CCDC178: variants seen among roughly 807,000 people sequenced by gnomAD.
CCDC178 encodes coiled-coil domain containing 178.
CCDC178 carries 126 observed loss-of-function variants against 117.4 expected under a neutral mutation model. That is an observed-to-expected ratio of 1.07 (90% CI 0.93 to 1.24). The LOEUF (loss-of-function observed/expected upper bound fraction) is 1.24, where lower values mean the gene tolerates loss of function less well. Ranked by LOEUF, CCDC178 falls within the 50% of genes most tolerant of loss-of-function variation. The probability of loss-of-function intolerance (pLI) is 0.00; values close to 1 mark genes in which losing one functional copy is unlikely to be tolerated. For synonymous variants in CCDC178, 283 were observed against 313.4 expected (o/e 0.90, Z 1.02); for missense variants, 1,030 against 986.9 (o/e 1.04, Z -0.59).
At chr18:32,948,360 C>T (rs2144614528) in intron 22 of CCDC178, among the ~76,000 whole-genome samples, 1 of 152,176 alleles carries the variant, frequency 6.6e-6, no homozygotes, top group African/African-American at 2.4e-5. Flanking sequence ...TTCAGGACTT[C>T]TTTAATTTCT....
At chr18:33,044,300 C>T (rs1025417041) in intron 21 of CCDC178, among the ~76,000 whole-genome samples, 3 of 151,930 alleles carry the variant, frequency 2.0e-5, no homozygotes, top group African/African-American at 4.8e-5. Flanking sequence ...GAATCAGCAT[C>T]GTTAAAATGA....
chr18:33,171,674 G>A lies in CCDC178; in HGVS notation c.2238+40222C>T, dbSNP rs117280538. On this transcript the variant is annotated intron_variant, in intron 20 of 22. Coordinates refer to ENST00000383096, the MANE Select transcript of CCDC178 (RefSeq NM_001105528.4). ...AACACCTCAGCACCTAGCTATGCTGGGGTAACAGTTGACATGCTGTTGGAG... is the reference window on the plus strand; with the variant it reads ...AACACCTCAGCACCTAGCTATGCTGAGGTAACAGTTGACATGCTGTTGGAG... 3.4e-3 allele frequency among the ~76,000 whole-genome samples: 516 copies of A among 152,268 alleles called. 4 individuals carry two copies. Among genetic ancestry groups the A allele is most frequent in the Non-Finnish European group, 4.7e-3 (320 of 68,016 alleles).
intron 21 of CCDC178, among the ~76,000 whole-genome samples, chr18:32,995,576 T>A (rs560764136): frequency 6.6e-6 from 1 of 152,232 alleles, no homozygotes; most frequent in East Asian, 1.9e-4. Context: ...CTAAGCTGCC[T>A]CTATTTCTAA....
At chr18:33,126,178 T>C (rs975970173) in intron 20 of CCDC178, among the ~76,000 whole-genome samples, 1 of 151,972 alleles carries the variant, frequency 6.6e-6, no homozygotes, top group African/African-American at 2.4e-5. Flanking sequence ...ATGGTGTCCG[T>C]AGACATGGAT....
At chr18:33,059,222 C>T (rs2056881584) in intron 21 of CCDC178, among the ~76,000 whole-genome samples, 1 of 152,114 alleles carries the variant, frequency 6.6e-6, no homozygotes, top group African/African-American at 2.4e-5. Context: ...AAGATTTGAA[C>T]TGGAGGCAGA....
rs1188875096 is a variant in CCDC178 at position 33,062,696 on chromosome 18, A to C, written c.2388+30065T>G. Among the ~76,000 whole-genome samples, 3 of 152,082 alleles carry C rather than the reference A, an allele frequency of 2.0e-5. No homozygotes were observed. The East Asian group carries it at 5.8e-4, about 29-fold the overall frequency. ...TCCATGTGATGGCATTGTTTCAGAG[A>C]GGGAGTTTGTGCTGGGTCCCACACA... On this transcript the variant is annotated intron_variant, in intron 21 of 22. Transcript: ENST00000383096.
intron 5 of CCDC178, among the ~76,000 whole-genome samples, chr18:33,389,160 A>G (rs185496392): frequency 6.6e-6 from 1 of 152,202 alleles, no homozygotes; most frequent in Admixed American, 6.5e-5. Flanking sequence ...ATAAAATAAA[A>G]TAATTATTTA....
chr18:33,292,858 A>G (rs542947254), intron 12 of CCDC178, among the ~76,000 whole-genome samples: 2 of 152,008 alleles, frequency 1.3e-5, no homozygotes, highest in Non-Finnish European at 2.9e-5. Flanking sequence ...GAGTCTCCAG[A>G]CAGAAGTGCC....
chr18:33,435,129 A>G (rs2144982963), intron 2 of CCDC178, among the ~76,000 whole-genome samples: 1 of 151,998 alleles, frequency 6.6e-6, no homozygotes, highest in Non-Finnish European at 1.5e-5. Context: ...ATTGGAGCAG[A>G]AAAAAAACAG....
intron 2 of CCDC178, among the ~76,000 whole-genome samples, chr18:33,420,547 AT>A (rs769750233): frequency 4.1e-4 from 62 of 152,014 alleles, no homozygotes; most frequent in Non-Finnish European, 4.9e-4. Flanking sequence ...TAGAGATGGG[AT>A]TTCGCCATGT....
intron 20 of CCDC178, among the ~76,000 whole-genome samples, chr18:33,095,269 T>C (rs1442086413): frequency 6.6e-6 from 1 of 152,002 alleles, no homozygotes; most frequent in Non-Finnish European, 1.5e-5. Context: ...ATTAAGATGG[T>C]AAAACATTAG....
chr18:33,404,041 G>C lies in CCDC178; in HGVS notation c.59-6833C>G, dbSNP rs1056284890. Among the ~76,000 whole-genome samples the C allele has an allele frequency of 6.6e-5, 10 of 152,240 alleles. No individual in the cohort carries two copies. The East Asian group carries it at 1.7e-3, about 26-fold the overall frequency. On this transcript the variant is annotated intron_variant, in intron 3 of 22. Transcript: ENST00000383096. ...CCCCTCAAGGGAAACTACCTTAACA[G>C]AGACTAACCAATGGAAAGAGGGAAA...
At chr18:33,225,533 A>G (rs1464601434) in intron 16 of CCDC178, among the ~76,000 whole-genome samples, 2 of 152,220 alleles carry the variant, frequency 1.3e-5, no homozygotes, top group Non-Finnish European at 2.9e-5. Flanking sequence ...GACAATAAAA[A>G]TCAAACATTT....
At chr18:33,355,267 A>AG (rs2063037827) in intron 7 of CCDC178, among the ~76,000 whole-genome samples, 2 of 152,042 alleles carry the variant, frequency 1.3e-5, no homozygotes, top group Non-Finnish European at 2.9e-5. Flanking sequence ...TTGTTTAGTG[A>AG]CTCTTCCAAA....
At chr18:33,248,047 A>C (rs1209755146) in intron 14 of CCDC178, among the ~76,000 whole-genome samples, 4 of 152,000 alleles carry the variant, frequency 2.6e-5, no homozygotes, top group African/African-American at 9.6e-5. Context: ...TTATAAAAAT[A>C]AAAAATCTAT....
chr18:33,091,324 C>CTTTTTTTTTTTTT (rs746505005), intron 21 of CCDC178, among the ~76,000 whole-genome samples: 1,847 of 43,906 alleles, frequency 0.042, 744 homozygotes, highest in Middle Eastern at 0.083. Context: ...TTATTTCATT[C>CTTTTTTTTTTTTT]TTTTTTTTTT....
intron 21 of CCDC178, among the ~76,000 whole-genome samples, chr18:32,977,450 T>C (rs1391124973): frequency 2.0e-5 from 3 of 152,164 alleles, no homozygotes; most frequent in Non-Finnish European, 2.9e-5. Context: ...AAGTGCATGA[T>C]AAAACCTTAC....
intron 2 of CCDC178, among the ~76,000 whole-genome samples, chr18:33,428,134 C>T (rs1170845320): frequency 6.6e-6 from 1 of 152,056 alleles, no homozygotes; most frequent in Non-Finnish European, 1.5e-5. Flanking sequence ...TCTTTCAATT[C>T]TATTTTTAAG....
chr18:33,085,544 C>CAG (rs1242561888), intron 21 of CCDC178, among the ~76,000 whole-genome samples: 1 of 152,030 alleles, frequency 6.6e-6, no homozygotes, highest in Admixed American at 6.6e-5. Flanking sequence ...GCCTGGGCGA[C>CAG]AGAGAGAGAT....
Sources: allele counts gnomAD v4.1 joint callset (sites outside exome capture counted in the v4.1 genomes callset), GRCh38; gene constraint gnomAD v4.1.1; transcripts MANE v1.5; gene names NCBI Gene and HGNC (gene_info 2026-07-23, HGNC 2026-07-21).